The following CDH23 variants were observed in gnomAD, a reference collection of about 807,000 sequenced individuals.
The protein encoded by CDH23 is cadherin-23.
In CDH23, 189 loss-of-function variants were observed where a neutral mutation model predicts 317.1. That is an observed-to-expected ratio of 0.60 (90% CI 0.53 to 0.67). The LOEUF (loss-of-function observed/expected upper bound fraction) is 0.67, where lower values mean the gene tolerates loss of function less well. Among genes scored for constraint, CDH23 ranks in the 30% least tolerant of loss-of-function variants. The pLI is 0.00. For missense variants in CDH23, 4,401 were observed against 4,592.4 expected, an observed-to-expected ratio of 0.96 and a Z score of 1.20; for synonymous variants, 1,839 against 1,876.8, an observed-to-expected ratio of 0.98 and a Z score of 0.52.
At chr10:71,484,991 T>C (rs1213059478) in intron 3 of CDH23, among the ~76,000 whole-genome samples, 2 of 151,040 alleles carry the variant, frequency 1.3e-5, no homozygotes, top group African/African-American at 4.9e-5. Flanking sequence ...CAAATAGGGG[T>C]GTGTGTTTTT....
chr10:71,451,572 C>A (rs1564588675), intron 3 of CDH23, among the ~76,000 whole-genome samples: 2 of 152,240 alleles, frequency 1.3e-5, no homozygotes, highest in Admixed American at 6.5e-5. Flanking sequence ...ACATTATGAA[C>A]CTGCGCTTAC....
At chr10:71,412,385 C>T (rs1459187711) in intron 1 of CDH23, among the ~76,000 whole-genome samples, 1 of 152,236 alleles carries the variant, frequency 6.6e-6, no homozygotes, top group East Asian at 1.9e-4. Flanking sequence ...AACTGCCGTA[C>T]TGTTTTCCAT....
chr10:71,780,272 C>T (rs184783036), intron 41 of CDH23, among the ~76,000 whole-genome samples: 13 of 152,294 alleles, frequency 8.5e-5, no homozygotes, highest in Admixed American at 8.5e-4. Flanking sequence ...GTAGAACGTA[C>T]GTTCCAGTTG....
intron 3 of CDH23, among the ~76,000 whole-genome samples, chr10:71,493,080 G>A (rs560325696): frequency 8.5e-5 from 13 of 152,348 alleles, no homozygotes; most frequent in African/African-American, 2.9e-4. Flanking sequence ...TCTGTTAAGA[G>A]AGTGTGTAGC....
chr10:71,806,328 A>G lies in CDH23; in HGVS notation c.8178+47A>G, dbSNP rs551901847. On this transcript the variant is annotated intron_variant, in intron 57 of 69. Transcript: ENST00000224721. ...GCTGGTCACACCCACACAGGGACTC[A>G]CCTGCCTGCAAGCACACACTCTCCT... 1.3e-5 allele frequency: 17 copies of G among 1,320,698 alleles called. No homozygotes were observed. The East Asian group carries it at 4.0e-4, about 31-fold the overall frequency. The allele number at this position is 1,320,698 out of a possible 1,614,324, so 81.8% of individuals were successfully genotyped here.
In CDH23 at chr10:71,774,042, TGCGC is replaced by T. The variant is rs57108074; in HGVS notation, c.4846-3631_4846-3628del. 8.8e-4 allele frequency among the ~76,000 whole-genome samples: 110 copies of T among 124,748 alleles called. 2 individuals are homozygous for T. The highest frequency in any genetic ancestry group is 2.9e-3 in the African/African-American group (104 of 35,672). The allele number at this position is 124,748 out of a possible 152,430, so 81.8% of individuals were successfully genotyped here. Reference sequence around the variant, plus strand: ...CAGAGCCTGAGGCACCCTGAGTGCATGCGCGCGCGCACACACACACACACACACA... The same window carrying T: ...CAGAGCCTGAGGCACCCTGAGTGCATGCGCGCACACACACACACACACACA... On this transcript the variant is annotated intron_variant, in intron 38 of 69. Transcript: ENST00000224721.
intron 1 of CDH23, among the ~76,000 whole-genome samples, chr10:71,427,244 AGG>A (rs59247498): frequency 0.016 from 503 of 31,628 alleles, 25 homozygotes; most frequent in African/African-American, 0.057. Flanking sequence ...AAAGAAAGAA[AGG>A]GAAAGAAAGA....
intron 3 of CDH23, among the ~76,000 whole-genome samples, chr10:71,471,021 G>T (rs548392749): frequency 1.3e-5 from 2 of 152,266 alleles, no homozygotes; most frequent in East Asian, 1.9e-4. Flanking sequence ...TACAGATAAA[G>T]GACTCATATA....
rs145999424 is a variant in CDH23, at chr10:71,712,284, C to T, written c.3221-381C>T. ...TTAACGTAATTACATTTTCAAAGGC[C>T]CTTTTCCCAAATAAATTAATCTTCA... On this transcript the variant is annotated intron_variant, in intron 27 of 69. Coordinates refer to ENST00000224721, the MANE Select transcript of CDH23 (RefSeq NM_022124.6). 13 of 183,732 alleles carry T rather than the reference C, an allele frequency of 7.1e-5. No individual in the cohort carries two copies. The East Asian group carries it at 1.7e-3, about 25-fold the overall frequency. The allele number at this position is 183,732 out of a possible 1,614,324, so 11.4% of individuals were successfully genotyped here. A position where few individuals can be genotyped will look rare whatever the true frequency, so the allele number is the denominator to read the frequency against.
intron 2 of CDH23, among the ~76,000 whole-genome samples, chr10:71,443,264 C>T (rs1350218971): frequency 6.6e-6 from 1 of 152,186 alleles, no homozygotes; most frequent in East Asian, 1.9e-4. Context: ...GAACCCCCAC[C>T]CCGCAATTCA....
At chr10:71,810,698 C>G in intron 62 of CDH23, 129 bp downstream of exon 62, 2 of 819,618 alleles carry the variant, frequency 2.4e-6, no homozygotes, top group Non-Finnish European at 4.0e-6. Context: ...GGGCCATCTC[C>G]CAGACTGGGG....
At chr10:71,504,049 A>C (rs1234321483) in intron 3 of CDH23, among the ~76,000 whole-genome samples, 1 of 151,656 alleles carries the variant, frequency 6.6e-6, no homozygotes, top group African/African-American at 2.4e-5. Flanking sequence ...TTTTTAATTT[A>C]ATTATGGTAA....
chr10:71,704,773 G>T, intron 24 of CDH23, 138 bp from the exon 25 acceptor site: 1 of 713,750 alleles, frequency 1.4e-6, no homozygotes, highest in Admixed American at 2.2e-5. Context: ...CAGTGGCCTG[G>T]CCTAAGGCTT....
At chr10:71,412,293 C>T (rs1848373114) in intron 1 of CDH23, among the ~76,000 whole-genome samples, 1 of 152,100 alleles carries the variant, frequency 6.6e-6, no homozygotes, top group Non-Finnish European at 1.5e-5. Context: ...CTGTTTGAGT[C>T]TCTGCTATCA....
chr10:71,502,575 A>G (rs1360711545), intron 3 of CDH23, among the ~76,000 whole-genome samples: 1 of 152,206 alleles, frequency 6.6e-6, no homozygotes, highest in Non-Finnish European at 1.5e-5. Context: ...AGGTGCAAAC[A>G]ATGAATCCAT....
intron 14 of CDH23, among the ~76,000 whole-genome samples, chr10:71,672,386 C>A (rs922048624): frequency 6.6e-6 from 1 of 152,110 alleles, no homozygotes; most frequent in Non-Finnish European, 1.5e-5. Flanking sequence ...GGCACTGGCC[C>A]CGCACCCATC....
chr10:71,779,250 CT>C lies in CDH23; in HGVS notation c.5188-13del, dbSNP rs2132929175. ...TGGCTGGGGTGAGGCCTTGGCTAAGCTTTTCCACCATCTCAGGTGCTTGTGA... is the reference window on the plus strand; with the variant it reads ...TGGCTGGGGTGAGGCCTTGGCTAAGCTTTCCACCATCTCAGGTGCTTGTGA... On this transcript the variant is annotated splice_polypyrimidine_tract_variant and intron_variant, in intron 40 of 69. Transcript: ENST00000224721. The C allele has an allele frequency of 1.2e-6, 2 of 1,613,770 alleles. No homozygotes were observed. Among genetic ancestry groups the C allele is most frequent in the Non-Finnish European group, 1.7e-6 (2 of 1,179,748 alleles).
chr10:71,642,490 C>A (rs1376583438), intron 11 of CDH23, among the ~76,000 whole-genome samples: 1 of 150,168 alleles, frequency 6.7e-6, no homozygotes, highest in Non-Finnish European at 1.5e-5. Context: ...CCTCCGCCTC[C>A]CGGCTTCAAG....
intron 1 of CDH23, among the ~76,000 whole-genome samples, chr10:71,413,109 G>A (rs1296112017): frequency 1.3e-5 from 2 of 151,944 alleles, no homozygotes; most frequent in Non-Finnish European, 2.9e-5. Flanking sequence ...TTATAGTTGT[G>A]GTTCTTATGT....
Sources: allele counts gnomAD v4.1 joint callset (sites outside exome capture counted in the v4.1 genomes callset), GRCh38; gene constraint gnomAD v4.1.1; transcripts MANE v1.5; gene names NCBI Gene and HGNC (gene_info 2026-07-23, HGNC 2026-07-21).